The following USP32 variants were observed in gnomAD, a reference collection of about 807,000 sequenced individuals.
USP32 encodes ubiquitin carboxyl-terminal hydrolase 32.
A neutral mutation model predicts 204.8 loss-of-function variants in USP32; 59 were observed. That is an observed-to-expected ratio of 0.29 (90% CI 0.23 to 0.36). The LOEUF (loss-of-function observed/expected upper bound fraction) is 0.36, where lower values mean the gene tolerates loss of function less well. USP32 is among the 10% of genes least tolerant of loss of function. The probability of loss-of-function intolerance (pLI) is 1.00; values close to 1 mark genes in which losing one functional copy is unlikely to be tolerated. For synonymous variants in USP32, 517 were observed against 678.4 expected, an observed-to-expected ratio of 0.76 and a Z score of 3.70; for missense variants, 1,160 against 1,946.4, an observed-to-expected ratio of 0.60 and a Z score of 7.60.
At chr17:60,184,047 G>A (rs1170636520) in intron 30 of USP32, among the ~76,000 whole-genome samples, 1 of 152,106 alleles carries the variant, frequency 6.6e-6, no homozygotes, top group East Asian at 1.9e-4. Context: ...CGCGCTTTGG[G>A]AGGCCAAGGC....
At chr17:60,281,830 C>A (rs2086974768) in intron 5 of USP32, among the ~76,000 whole-genome samples, 1 of 152,178 alleles carries the variant, frequency 6.6e-6, no homozygotes. Flanking sequence ...CCCTGGAGGT[C>A]TGTAAAGTAC....
Position 60,306,363 on chromosome 17 carries a change from C to T in USP32, c.187-4659G>A, listed in dbSNP as rs142389140. Among the ~76,000 whole-genome samples, 22 of 152,214 alleles carry T rather than the reference C, an allele frequency of 1.4e-4. No individual in the cohort carries two copies. The East Asian group carries it at 2.9e-3, about 20-fold the overall frequency. ...TCCCTATAATAATTTTCTGGCCGGG[C>T]GCAGTGGCTCATGCCTGTAATCCCA... On this transcript the variant is annotated intron_variant, in intron 2 of 33. Transcript: ENST00000300896.
chr17:60,277,092 T>C (rs993387755), intron 5 of USP32, among the ~76,000 whole-genome samples: 4 of 152,134 alleles, frequency 2.6e-5, no homozygotes, highest in African/African-American at 9.7e-5. Context: ...CTATTTGCAA[T>C]GCATAAGTCA....
chr17:60,314,527 G>A (rs1168103320), intron 2 of USP32, among the ~76,000 whole-genome samples: 1 of 151,640 alleles, frequency 6.6e-6, no homozygotes, highest in African/African-American at 2.4e-5. Context: ...TATCCAATCT[G>A]AAGTACGGTG....
chr17:60,348,159 A>T (rs1271305389), intron 1 of USP32, among the ~76,000 whole-genome samples: 1 of 152,032 alleles, frequency 6.6e-6, no homozygotes, highest in African/African-American at 2.4e-5. Flanking sequence ...AAAAGATGAT[A>T]AACTTTTTTA....
Position 60,392,090 on chromosome 17 carries a change from G to A in USP32, c.-151C>T, listed in dbSNP as rs2146146498. On this transcript the variant is annotated 5_prime_UTR_variant, in exon 1 of 34. Transcript: ENST00000300896. ...ACTAACAAGTGCGGCTTCTGCCCCGGCGGCTCCTCCCGGTCGCCGCCACCG... is the reference window on the plus strand; with the variant it reads ...ACTAACAAGTGCGGCTTCTGCCCCGACGGCTCCTCCCGGTCGCCGCCACCG... 2 of 838,360 alleles carry A rather than the reference G, an allele frequency of 2.4e-6. No individual in the cohort carries two copies. The highest frequency in any genetic ancestry group is 3.4e-4 in the Middle Eastern group (1 of 2,980). 51.9% of individuals were successfully genotyped at this position (838,360 alleles called of 1,614,324 possible). A position where few individuals can be genotyped will look rare whatever the true frequency, so the allele number is the denominator to read the frequency against.
intron 2 of USP32, among the ~76,000 whole-genome samples, chr17:60,320,331 A>G (rs930785607): frequency 5.3e-5 from 8 of 152,248 alleles, no homozygotes; most frequent in Non-Finnish European, 1.0e-4. Context: ...TGTAAGCTGT[A>G]CATACATTTG....
At chr17:60,229,968 T>C (rs1444246449) in intron 12 of USP32, among the ~76,000 whole-genome samples, 1 of 152,000 alleles carries the variant, frequency 6.6e-6, no homozygotes, top group Non-Finnish European at 1.5e-5. Context: ...CACGCACCAC[T>C]GCGCCTGGCT....
At chr17:60,384,159 T>A (rs2089690619) in intron 1 of USP32, among the ~76,000 whole-genome samples, 1 of 152,226 alleles carries the variant, frequency 6.6e-6, no homozygotes, top group East Asian at 1.9e-4. Context: ...GTACTTGTGT[T>A]GCAATAGTGA....
chr17:60,397,838 T>C (rs563023785), intron 1 of USP32, among the ~76,000 whole-genome samples: 1 of 152,280 alleles, frequency 6.6e-6, no homozygotes, highest in Admixed American at 6.5e-5. Flanking sequence ...AGGTATTTAA[T>C]AGTAATTGTG....
chr17:60,234,177 G>T (rs371645431), intron 12 of USP32, among the ~76,000 whole-genome samples: 1 of 150,620 alleles, frequency 6.6e-6, no homozygotes, highest in African/African-American at 2.4e-5. Context: ...GCAGTGACGC[G>T]ATCTCGGCTC....
At chr17:60,314,894 T>C (rs970229229) in intron 2 of USP32, among the ~76,000 whole-genome samples, 1 of 151,538 alleles carries the variant, frequency 6.6e-6, no homozygotes, top group Admixed American at 6.6e-5. Flanking sequence ...TCAGAAACAA[T>C]GCAAGCCACA....
intron 27 of USP32, 143 bp downstream of exon 27, chr17:60,198,117 G>T: frequency 9.0e-7 from 1 of 1,111,660 alleles, no homozygotes; most frequent in Non-Finnish European, 1.3e-6. Flanking sequence ...CAAACCAAAT[G>T]GTTGAATTGT....
intron 1 of USP32, among the ~76,000 whole-genome samples, chr17:60,365,991 T>G (rs989697157): frequency 7.9e-5 from 12 of 152,176 alleles, no homozygotes; most frequent in African/African-American, 2.9e-4. Flanking sequence ...TGTTGTTGTT[T>G]TTTGAGACGG....
In USP32 at chr17:60,219,669, C is replaced by T; in HGVS notation, c.1867+1G>A. On this transcript the variant is annotated splice_donor_variant, in intron 16 of 33. Transcript: ENST00000300896. LOFTEE classifies it high-confidence loss of function. ...AGGAAACATTCTCAGGCTCATCATA[C>T]CCATATTCACCCAGATGTTAGACTG... is the stretch of plus-strand genomic sequence containing the variant. The T allele has an allele frequency of 6.3e-7, 1 of 1,597,186 alleles. No individual in the cohort carries two copies. Among genetic ancestry groups the T allele is most frequent in the East Asian group, 2.3e-5 (1 of 43,764 alleles).
intron 30 of USP32, among the ~76,000 whole-genome samples, chr17:60,184,001 C>G (rs193118259): frequency 2.0e-5 from 3 of 151,970 alleles, no homozygotes; most frequent in African/African-American, 7.2e-5. Context: ...AAGGTCTACC[C>G]GTCAGCCGGG....
intron 2 of USP32, among the ~76,000 whole-genome samples, chr17:60,314,801 T>C (rs78358174): frequency 0.021 from 3,193 of 151,736 alleles, 132 homozygotes; most frequent in African/African-American, 0.073. Flanking sequence ...TCCTGAAAAA[T>C]AGTAATACAG....
intron 1 of USP32, among the ~76,000 whole-genome samples, chr17:60,356,166 T>C (rs2089072620): frequency 6.6e-6 from 1 of 152,170 alleles, no homozygotes; most frequent in African/African-American, 2.4e-5. Flanking sequence ...AATAAAACTT[T>C]TTCCCCTGGC....
intron 1 of USP32, among the ~76,000 whole-genome samples, chr17:60,349,628 A>ATATATATATAT (rs2088895283): frequency 2.0e-5 from 2 of 100,810 alleles, no homozygotes; most frequent in Non-Finnish European, 3.5e-5. Context: ...TATATATTAT[A>ATATATATATAT]TATATATATA....
Sources: allele counts gnomAD v4.1 joint callset (sites outside exome capture counted in the v4.1 genomes callset), GRCh38; gene constraint gnomAD v4.1.1; transcripts MANE v1.5; gene names NCBI Gene and HGNC (gene_info 2026-07-23, HGNC 2026-07-21).